The following XKR4 variants were observed in gnomAD, a reference collection of about 807,000 sequenced individuals.
XKR4 encodes XK related 4.
XKR4 carries 12 observed loss-of-function variants against 53.9 expected under a neutral mutation model. The ratio of observed to expected loss-of-function variants is 0.22; its 90% confidence interval spans 0.14 to 0.36. The LOEUF (loss-of-function observed/expected upper bound fraction) is 0.36, where lower values mean the gene tolerates loss of function less well. XKR4 is among the 10% of genes least tolerant of loss of function. The pLI is 1.00. For synonymous variants in XKR4, 354 were observed against 362.4 expected, an observed-to-expected ratio of 0.98 and a Z score of 0.26; for missense variants, 799 against 859.5, an observed-to-expected ratio of 0.93 and a Z score of 0.88.
chr8:55,116,711 A>G (rs1174900255), intron 1 of XKR4, among the ~76,000 whole-genome samples: 5 of 152,178 alleles, frequency 3.3e-5, no homozygotes, highest in African/African-American at 9.7e-5. Flanking sequence ...CTTTCATGTA[A>G]GAGCTGGTGT....
chr8:55,162,756 C>G (rs577363254), intron 1 of XKR4, among the ~76,000 whole-genome samples: 2 of 152,186 alleles, frequency 1.3e-5, no homozygotes, highest in African/African-American at 4.8e-5. Context: ...TTGAACTACC[C>G]TTTCAATATT....
chr8:55,523,089 CA>C (rs1479419089), intron 2 of XKR4, among the ~76,000 whole-genome samples, 191 bp from the exon 3 acceptor site: 1 of 148,358 alleles, frequency 6.7e-6, no homozygotes, highest in Non-Finnish European at 1.5e-5. Context: ...TTGCAGTGAG[CA>C]GAGATGGTGC....
intron 1 of XKR4, among the ~76,000 whole-genome samples, chr8:55,351,771 C>A (rs771920444): frequency 6.6e-6 from 1 of 152,204 alleles, no homozygotes; most frequent in Non-Finnish European, 1.5e-5. Context: ...ACTAGTCTTC[C>A]GGCCAATGCC....
chr8:55,172,338 G>A lies in XKR4; in HGVS notation c.806+69044G>A, dbSNP rs367961733. On this transcript the variant is annotated intron_variant, in intron 1 of 2. Transcript: ENST00000327381. ...ATCATCATGCTTTATTTTTAAGTAG[G>A]TAATATATCTCATGGTACAAAAATC... Among the ~76,000 whole-genome samples the A allele has an allele frequency of 1.7e-4, 26 of 152,084 alleles. No individual in the cohort carries two copies. In the South Asian group the frequency reaches 5.4e-3, roughly 32 times the overall value.
chr8:55,507,481 C>T (rs1317385578), intron 2 of XKR4, among the ~76,000 whole-genome samples: 1 of 152,086 alleles, frequency 6.6e-6, no homozygotes, highest in Admixed American at 6.5e-5. Context: ...AGGTATATCT[C>T]CCAATGCTAT....
At chr8:55,315,205 G>A (rs1819453675) in intron 1 of XKR4, among the ~76,000 whole-genome samples, 1 of 152,106 alleles carries the variant, frequency 6.6e-6, no homozygotes, top group African/African-American at 2.4e-5. Context: ...CTCATTCATG[G>A]ACCAGCTGTT....
At chr8:55,479,201 C>A (rs186207628) in intron 2 of XKR4, among the ~76,000 whole-genome samples, 1 of 152,212 alleles carries the variant, frequency 6.6e-6, no homozygotes, top group African/African-American at 2.4e-5. Flanking sequence ...CAAACTGTCT[C>A]TCAGACCACA....
intron 1 of XKR4, among the ~76,000 whole-genome samples, chr8:55,331,329 T>G (rs1351286085): frequency 6.6e-6 from 1 of 152,234 alleles, no homozygotes; most frequent in East Asian, 1.9e-4. Flanking sequence ...TTTGTATAAT[T>G]TCAGTCCTTT....
At chr8:55,129,361 GC>G (rs1816522487) in intron 1 of XKR4, among the ~76,000 whole-genome samples, 1 of 152,192 alleles carries the variant, frequency 6.6e-6, no homozygotes, top group Non-Finnish European at 1.5e-5. Context: ...CAGGTCGGGT[GC>G]CGGGAGGTAA....
At chr8:55,215,442 A>G (rs955057413) in intron 1 of XKR4, among the ~76,000 whole-genome samples, 21 of 152,262 alleles carry the variant, frequency 1.4e-4, no homozygotes, top group Admixed American at 1.4e-3. Flanking sequence ...TATGAGAAAG[A>G]AAAATTTCAG....
At chr8:55,355,338 A>G (rs902152559) in intron 1 of XKR4, among the ~76,000 whole-genome samples, 4 of 152,234 alleles carry the variant, frequency 2.6e-5, no homozygotes, top group East Asian at 1.9e-4. Flanking sequence ...GAAATTTGAG[A>G]TTAGAAGGAT....
Position 55,524,132 on chromosome 8 carries a change from A to G in XKR4, c.1858A>G (p.Ile620Val). The G allele has an allele frequency of 6.2e-7, 1 of 1,614,232 alleles. No homozygotes were observed. The highest frequency in any genetic ancestry group is 8.5e-7 in the Non-Finnish European group (1 of 1,180,042). ...HVLDRSLRKA[I>V]LAFECSPSPP... ...TTTGGACCGAAGCCTCCGAAAGGCT[A>G]TTTTAGCTTTTGAATGTTCCCCATC... The change falls in exon 3 of 3, where the codon ATT becomes GTT. Residue 620 changes from isoleucine to valine, a missense_variant. Around this residue, in one of 3 missense-constraint regions of XKR4, gnomAD observed 269 missense variants for 264.4 expected, o/e 1.02. Transcript: ENST00000327381.
In XKR4 at chr8:55,529,352, G is replaced by A. The variant is rs756054920; in HGVS notation, c.*5125G>A. The A allele has an allele frequency of 7.2e-5, 11 of 151,946 alleles. No homozygotes were observed. Among genetic ancestry groups the A allele is most frequent in the Non-Finnish European group, 1.0e-4 (7 of 68,004 alleles). 9.4% of individuals were successfully genotyped at this position (151,946 alleles called of 1,614,324 possible). ...GACTTAATGTCCTTGAAATATTTTC[G>A]TAATATACTGACAGCCTAATGTCAG... On this transcript the variant is annotated 3_prime_UTR_variant, in exon 3 of 3. Coordinates refer to ENST00000327381, the MANE Select transcript of XKR4 (RefSeq NM_052898.2).
intron 2 of XKR4, chr8:55,451,784 G>T: frequency 9.7e-7 from 1 of 1,028,602 alleles, no homozygotes; most frequent in Non-Finnish European, 1.5e-6. Context: ...CCCAGGCCAA[G>T]GCACTGATAG....
At chr8:55,171,575 C>T (rs1817158536) in intron 1 of XKR4, among the ~76,000 whole-genome samples, 1 of 152,152 alleles carries the variant, frequency 6.6e-6, no homozygotes, top group Non-Finnish European at 1.5e-5. Flanking sequence ...CTTGGTTCCT[C>T]GTCTGTATGT....
intron 1 of XKR4, among the ~76,000 whole-genome samples, chr8:55,295,152 G>A (rs940621806): frequency 1.3e-5 from 2 of 152,172 alleles, no homozygotes; most frequent in East Asian, 1.9e-4. Flanking sequence ...GGAAGGAATC[G>A]AGAGGTGATT....
intron 1 of XKR4, among the ~76,000 whole-genome samples, chr8:55,288,902 T>G (rs1050231343): frequency 2.6e-5 from 4 of 152,244 alleles, no homozygotes; most frequent in African/African-American, 9.6e-5. Context: ...TGGAATCATG[T>G]AGCACATAAC....
At chr8:55,456,865 A>G (rs1805577570) in intron 2 of XKR4, among the ~76,000 whole-genome samples, 1 of 152,202 alleles carries the variant, frequency 6.6e-6, no homozygotes, top group African/African-American at 2.4e-5. Flanking sequence ...AATTTATGTG[A>G]AAAAATAATA....
chr8:55,199,970 C>G (rs372355517), intron 1 of XKR4, among the ~76,000 whole-genome samples: 2 of 152,266 alleles, frequency 1.3e-5, no homozygotes, highest in Admixed American at 6.5e-5. Flanking sequence ...AGGTGTAGAA[C>G]CTTGTAGCAG....
Sources: allele counts gnomAD v4.1 joint callset (sites outside exome capture counted in the v4.1 genomes callset), GRCh38; gene constraint gnomAD v4.1.1; regional missense constraint gnomAD v4.1.1; transcripts MANE v1.5; gene names NCBI Gene and HGNC (gene_info 2026-07-23, HGNC 2026-07-21).